The following RIC3 variants were observed in gnomAD, a reference collection of about 807,000 sequenced individuals.
RIC3 encodes RIC3 acetylcholine receptor chaperone.
In RIC3, 28 loss-of-function variants were observed where a neutral mutation model predicts 27.3. The ratio of observed to expected loss-of-function variants is 1.02; its 90% CI spans 0.76 to 1.41. The LOEUF (loss-of-function observed/expected upper bound fraction) is 1.41, where lower values mean the gene tolerates loss of function less well. RIC3 is among the 40% of genes most tolerant of loss of function. The pLI is 0.00. For synonymous variants in RIC3, 184 were observed against 160.4 expected (o/e 1.15, Z -1.11); for missense variants, 501 against 444.7 (o/e 1.13, Z -1.14).
At chr11:8,098,890 C>T in the RIC3 span, 80 of 1,574,362 alleles carry the variant, frequency 5.1e-5, no homozygotes, top group Non-Finnish European at 6.6e-5. Flanking sequence ...GTCCTAGGTT[C>T]GGGGGTCTCT....
intron 1 of RIC3, among the ~76,000 whole-genome samples, chr11:8,143,527 G>A (rs1313121901): frequency 4.6e-5 from 7 of 151,660 alleles, no homozygotes; most frequent in Non-Finnish European, 1.0e-4. Flanking sequence ...GGAAATAAAA[G>A]AGGATACAAA....
chr11:8,094,539 ACTGGGGG>A, the RIC3 span, among the ~76,000 whole-genome samples: 1 of 152,196 alleles, frequency 6.6e-6, no homozygotes, highest in African/African-American at 2.4e-5. Context: ...CACTCACTGC[ACTGGGGG>A]CTGACTGCTT....
intron 2 of RIC3, chr11:8,138,600 A>G: frequency 2.3e-6 from 1 of 433,566 alleles, no homozygotes; most frequent in Non-Finnish European, 4.0e-6. Flanking sequence ...TCCCCATATA[A>G]TTAGGAATAG....
chr11:8,097,183 G>A, the RIC3 span: 1 of 1,608,878 alleles, frequency 6.2e-7, no homozygotes, highest in Non-Finnish European at 8.5e-7. Flanking sequence ...AATTTGGGCT[G>A]CTTAGGGTCC....
chr11:8,156,928 C>T (rs1348874233), intron 1 of RIC3, among the ~76,000 whole-genome samples: 1 of 152,170 alleles, frequency 6.6e-6, no homozygotes, highest in Non-Finnish European at 1.5e-5. Context: ...CCACTAAACA[C>T]CATCTCTATC....
chr11:8,142,204 CAA>C (rs1434089247), intron 1 of RIC3, among the ~76,000 whole-genome samples: 3 of 134,804 alleles, frequency 2.2e-5, no homozygotes, highest in East Asian at 4.3e-4. Flanking sequence ...AATAGAGACA[CAA>C]AAAACCCTTC....
At chr11:8,163,285 G>C (rs1951365919) in intron 1 of RIC3, among the ~76,000 whole-genome samples, 1 of 151,650 alleles carries the variant, frequency 6.6e-6, no homozygotes, top group Non-Finnish European at 1.5e-5. Flanking sequence ...AGAATACAAG[G>C]GAACTTCCTC....
At chr11:8,113,052 T>G (rs1945445701) in intron 5 of RIC3, among the ~76,000 whole-genome samples, 1 of 152,222 alleles carries the variant, frequency 6.6e-6, no homozygotes, top group Admixed American at 6.5e-5. Context: ...CACAGTAGTA[T>G]GTTAAGAATT....
At chr11:8,119,055 G>C (rs1045955854) in intron 5 of RIC3, among the ~76,000 whole-genome samples, 8 of 152,054 alleles carry the variant, frequency 5.3e-5, no homozygotes, top group Non-Finnish European at 8.8e-5. Context: ...AGAATTACTG[G>C]AATTCTAGAA....
intron 4 of RIC3, among the ~76,000 whole-genome samples, chr11:8,130,892 A>T (rs1044312895): frequency 1.3e-5 from 2 of 152,186 alleles, no homozygotes; most frequent in South Asian, 4.2e-4. Flanking sequence ...TGATGAAGAA[A>T]GATAAAGCAA....
chr11:8,155,601 A>G (rs1950596627), intron 1 of RIC3, among the ~76,000 whole-genome samples: 1 of 152,194 alleles, frequency 6.6e-6, no homozygotes, highest in Non-Finnish European at 1.5e-5. Flanking sequence ...AATGGATTTT[A>G]CAAAGTGAAG....
At chr11:8,134,513 T>C (rs1282258322) in intron 4 of RIC3, among the ~76,000 whole-genome samples, 1 of 152,226 alleles carries the variant, frequency 6.6e-6, no homozygotes, top group Non-Finnish European at 1.5e-5. Context: ...ATATACCCAG[T>C]AATGGCATGG....
At chr11:8,164,648 C>T (rs1443316688) in intron 1 of RIC3, among the ~76,000 whole-genome samples, 1 of 151,816 alleles carries the variant, frequency 6.6e-6, no homozygotes. Context: ...TATGGTGGCA[C>T]ACACCTGTAG....
intron 4 of RIC3, among the ~76,000 whole-genome samples, chr11:8,136,037 T>C (rs1948364112): frequency 6.6e-6 from 1 of 152,178 alleles, no homozygotes; most frequent in South Asian, 2.1e-4. Flanking sequence ...CTATACAACT[T>C]TGGGGAACAT....
Position 8,110,295 on chromosome 11 carries a change from T to A in RIC3, c.*403A>T. 1 of 324,964 alleles carries A rather than the reference T, an allele frequency of 3.1e-6. No homozygotes were observed. Among genetic ancestry groups the A allele is most frequent in the South Asian group, 2.8e-5 (1 of 35,908 alleles). The allele number at this position is 324,964 out of a possible 1,614,324, so 20.1% of individuals were successfully genotyped here. A position where few individuals can be genotyped will look rare whatever the true frequency, so the allele number is the denominator to read the frequency against. The stretch of plus-strand genomic sequence containing the variant: ...ATAAGGGATCTTGGAGTCTGAAATC[T>A]TCATTCTTGCAACCTTAAGTCCTCA... On this transcript the variant is annotated 3_prime_UTR_variant, in exon 6 of 6. Transcript: ENST00000309737.
chr11:8,128,900 G>C (rs1284553609), intron 4 of RIC3, among the ~76,000 whole-genome samples: 1 of 151,714 alleles, frequency 6.6e-6, no homozygotes, highest in African/African-American at 2.4e-5. Context: ...GACTACAGGC[G>C]CCAGCCACCT....
At chr11:8,131,182 G>C (rs1327468273) in intron 4 of RIC3, among the ~76,000 whole-genome samples, 1 of 152,094 alleles carries the variant, frequency 6.6e-6, no homozygotes, top group East Asian at 1.9e-4. Context: ...AGCCTTTTAT[G>C]TGCCTGTGCT....
chr11:8,145,047 G>A (rs1243755101), intron 1 of RIC3, among the ~76,000 whole-genome samples: 1 of 98,354 alleles, frequency 1.0e-5, no homozygotes, highest in East Asian at 3.9e-4. Context: ...GGGGGAGGGG[G>A]GAGGGATAGC....
In RIC3 at chr11:8,138,386, C is replaced by A. The variant is rs772413739; in HGVS notation, c.352-39G>T. Reference sequence around the variant, plus strand: ...GAGGTATAGCACATCAACAGCAGCTCAGAACCTCAGTCACGGAACCCCTCA... The same window carrying A: ...GAGGTATAGCACATCAACAGCAGCTAAGAACCTCAGTCACGGAACCCCTCA... On this transcript the variant is annotated intron_variant, in intron 2 of 5. Transcript: ENST00000309737. The A allele has an allele frequency of 4.5e-6, 6 of 1,338,246 alleles. No individual in the cohort carries two copies. In the South Asian group the frequency reaches 6.1e-5, roughly 14 times the overall value. The allele number at this position is 1,338,246 out of a possible 1,614,324, so 82.9% of individuals were successfully genotyped here.
Sources: gnomAD v4.1 joint callset for allele counts (sites outside exome capture counted in the v4.1 genomes callset) on GRCh38, gnomAD v4.1.1 for gene constraint, MANE v1.5 for transcripts, NCBI Gene and HGNC (gene_info 2026-07-23, HGNC 2026-07-21) for gene names.